TSPEAR: variants seen among roughly 807,000 people sequenced by gnomAD.
TSPEAR encodes thrombospondin-type laminin G domain and EAR repeat-containing protein.
A neutral mutation model predicts 71.6 loss-of-function variants in TSPEAR; 69 were observed. The ratio of observed to expected loss-of-function variants is 0.96; its 90% CI spans 0.79 to 1.18. The LOEUF (loss-of-function observed/expected upper bound fraction) is 1.18, where lower values mean the gene tolerates loss of function less well. TSPEAR is among the 50% of genes most tolerant of loss of function. The pLI is 0.00. For synonymous variants in TSPEAR, 402 were observed against 387.2 expected, an observed-to-expected ratio of 1.04 and a Z score of -0.45; for missense variants, 971 against 894.9, an observed-to-expected ratio of 1.09 and a Z score of -1.09.
Position 44,504,842 on chromosome 21 carries a change from A to G in TSPEAR, c.1794T>C (p.Tyr598=), listed in dbSNP as rs1234264425. The change falls in exon 11 of 12, where the codon TAT becomes TAC. Residue 598 remains tyrosine, a synonymous_variant. Coordinates refer to ENST00000323084, the MANE Select transcript of TSPEAR (RefSeq NM_144991.3). Reference sequence around the variant, plus strand: ...CGAAGGAGTTGGCCACCACCAGGAAATAATCTTCTCCCACCGAGAAAAACT... The same window carrying G: ...CGAAGGAGTTGGCCACCACCAGGAAGTAATCTTCTCCCACCGAGAAAAACT... ...DWEFFSVGED[Y]FLVVANSFDG... 1 of 1,612,508 alleles carries G rather than the reference A, an allele frequency of 6.2e-7. No individual in the cohort carries two copies. The highest frequency in any genetic ancestry group is 1.3e-5 in the African/African-American group (1 of 74,380).
At chr21:44,504,578 C>T (rs1174312811) in intron 11 of TSPEAR, among the ~76,000 whole-genome samples, 6 of 111,506 alleles carry the variant, frequency 5.4e-5, no homozygotes, top group African/African-American at 1.6e-4. Flanking sequence ...AGGCCGGCCT[C>T]GGTGAGCCCA....
Position 44,499,678 on chromosome 21 carries a change from G to A in TSPEAR, c.*105C>T, listed in dbSNP as rs1215687728. 1.1e-5 allele frequency: 14 copies of A among 1,259,386 alleles called. No homozygotes were observed. Among genetic ancestry groups the A allele is most frequent in the Middle Eastern group, 5.6e-4 (2 of 3,562 alleles). 78.0% of individuals were successfully genotyped at this position (1,259,386 alleles called of 1,614,324 possible). A position where few individuals can be genotyped will look rare whatever the true frequency, so the allele number is the denominator to read the frequency against. ...TGCACCCTGCCTGATGCCCAGGCCC[G>A]GGATGCCCTAGGCTGGGCCCACCTG... is the stretch of plus-strand genomic sequence containing the variant. On this transcript the variant is annotated 3_prime_UTR_variant, in exon 12 of 12. Transcript: ENST00000323084.
chr21:44,657,543 T>C (rs1555942768), intron 1 of TSPEAR, among the ~76,000 whole-genome samples: 1 of 152,210 alleles, frequency 6.6e-6, no homozygotes, highest in African/African-American at 2.4e-5. Context: ...CAGACGATAG[T>C]TTGCCAACCT....
At chr21:44,511,845 C>G (rs2052390439) in intron 9 of TSPEAR, among the ~76,000 whole-genome samples, 1 of 152,226 alleles carries the variant, frequency 6.6e-6, no homozygotes, top group Admixed American at 6.5e-5. Context: ...TGGGGGACCC[C>G]GAGCTGGCAC....
intron 2 of TSPEAR, among the ~76,000 whole-genome samples, chr21:44,567,344 G>A (rs1308235458): frequency 2.5e-5 from 3 of 121,042 alleles, no homozygotes; most frequent in African/African-American, 7.7e-5. Context: ...CCCAGAAACC[G>A]TGGGGAAGGG....
At chr21:44,647,350 T>C in intron 1 of TSPEAR, 2 of 1,613,478 alleles carry the variant, frequency 1.2e-6, no homozygotes, top group Non-Finnish European at 1.7e-6. Flanking sequence ...GAAGTCCAGC[T>C]GCTGAGTGCT....
chr21:44,511,604 TACAC>T (rs1171665715), intron 9 of TSPEAR, among the ~76,000 whole-genome samples: 13 of 152,276 alleles, frequency 8.5e-5, no homozygotes, highest in African/African-American at 2.9e-4. Flanking sequence ...GCATGACATC[TACAC>T]ACACACATGC....
chr21:44,558,847 CTG>C (rs2053592848), intron 2 of TSPEAR: 2 of 1,212,876 alleles, frequency 1.6e-6, no homozygotes, highest in African/African-American at 3.1e-5. Flanking sequence ...GTTGATTGTG[CTG>C]CCCCTGCCTG....
intron 1 of TSPEAR, among the ~76,000 whole-genome samples, chr21:44,643,806 G>A (rs587604187): frequency 2.0e-5 from 3 of 152,170 alleles, no homozygotes; most frequent in South Asian, 2.1e-4. Context: ...CTGCATGCAC[G>A]AGACCAAGGC....
intron 1 of TSPEAR, among the ~76,000 whole-genome samples, chr21:44,617,581 T>A (rs1555932799): frequency 6.6e-6 from 1 of 152,246 alleles, no homozygotes; most frequent in African/African-American, 2.4e-5. Context: ...AGGCAAGGGA[T>A]GCTGGCAAGG....
At chr21:44,645,272 C>G (rs1555939269) in intron 1 of TSPEAR, among the ~76,000 whole-genome samples, 2 of 151,294 alleles carry the variant, frequency 1.3e-5, no homozygotes. Flanking sequence ...GCTGAAGAGA[C>G]AAAAATAAAG....
At chr21:44,547,729 C>T (rs1159987052) in intron 2 of TSPEAR, among the ~76,000 whole-genome samples, 1 of 152,160 alleles carries the variant, frequency 6.6e-6, no homozygotes, top group Non-Finnish European at 1.5e-5. Flanking sequence ...GTCCACACCC[C>T]CCAGCACTCG....
chr21:44,624,857 T>C (rs1982665910), intron 1 of TSPEAR, among the ~76,000 whole-genome samples: 1 of 152,162 alleles, frequency 6.6e-6, no homozygotes, highest in Non-Finnish European at 1.5e-5. Flanking sequence ...CTCACTTCTG[T>C]GCACTTTCCC....
At chr21:44,542,023 A>C (rs1194842848) in intron 2 of TSPEAR, among the ~76,000 whole-genome samples, 1 of 152,246 alleles carries the variant, frequency 6.6e-6, no homozygotes, top group African/African-American at 2.4e-5. Context: ...CGTGCAGGAG[A>C]TCTAGATATT....
At chr21:44,640,699 G>A (rs1983976499) in intron 1 of TSPEAR, among the ~76,000 whole-genome samples, 1 of 152,236 alleles carries the variant, frequency 6.6e-6, no homozygotes, top group African/African-American at 2.4e-5. Context: ...AGGTCAGTAA[G>A]GATTTTCTGG....
At chr21:44,659,042 G>C (rs587649119) in intron 1 of TSPEAR, among the ~76,000 whole-genome samples, 1 of 152,158 alleles carries the variant, frequency 6.6e-6, no homozygotes, top group African/African-American at 2.4e-5. Context: ...GCAGGAAGTC[G>C]AAGAAAGTCT....
At position 44,530,880 on chromosome 21, in the gene TSPEAR, A is replaced by G. The variant is rs8126569; in HGVS notation, c.633+163T>C. On this transcript the variant is annotated intron_variant, in intron 4 of 11. Transcript: ENST00000323084. ...TCAGGGAGGAGGGTGCCAGGAGGAA[A>G]CAGCAAGCGTGAAGGCCCTGTGGTA... 0.04 allele frequency among the ~76,000 whole-genome samples: 6,076 copies of G among 152,284 alleles called. 424 individuals carry two copies. The highest frequency in any genetic ancestry group is 0.14 in the African/African-American group (5,634 of 41,548).
rs146227514 is a variant in TSPEAR, at chr21:44,509,576, A to T, written c.1567-190T>A. On this transcript the variant is annotated intron_variant, in intron 9 of 11. Coordinates refer to ENST00000323084, the MANE Select transcript of TSPEAR (RefSeq NM_144991.3). Reference sequence around the variant, plus strand: ...GGGTGAGCGGGCGCAGAGGTGTGGGAGAGCGGGCGCAGAGGTGTGAGTGAG... The same window carrying T: ...GGGTGAGCGGGCGCAGAGGTGTGGGTGAGCGGGCGCAGAGGTGTGAGTGAG... Among the ~76,000 whole-genome samples the T allele has an allele frequency of 1.1e-3, 145 of 131,014 alleles. 2 individuals are homozygous for T. The highest frequency in any genetic ancestry group is 3.9e-3 in the Middle Eastern group (1 of 258). The allele number at this position is 131,014 out of a possible 152,430, so 86.0% of individuals were successfully genotyped here. A position where few individuals can be genotyped will look rare whatever the true frequency, so the allele number is the denominator to read the frequency against.
intron 1 of TSPEAR, chr21:44,677,255 T>A: frequency 1.4e-6 from 1 of 725,668 alleles, no homozygotes; most frequent in Non-Finnish European, 2.5e-6. Context: ...CATTGGCAGC[T>A]TCATCTACTG....
Sources: allele counts gnomAD v4.1 joint callset (sites outside exome capture counted in the v4.1 genomes callset), GRCh38; gene constraint gnomAD v4.1.1; transcripts MANE v1.5; gene names NCBI Gene and HGNC (gene_info 2026-07-23, HGNC 2026-07-21).